CCSER1: variants seen among roughly 807,000 people sequenced by gnomAD.
CCSER1 encodes the protein coiled-coil serine rich protein 1.
Under a neutral mutation model 82.0 loss-of-function variants are expected in CCSER1, and 41 were observed. That is an observed-to-expected ratio of 0.50 (90% CI 0.39 to 0.65). The LOEUF (loss-of-function observed/expected upper bound fraction) is 0.65, where lower values mean the gene tolerates loss of function less well. CCSER1 is among the 30% of genes least tolerant of loss of function. The pLI, the probability that CCSER1 is intolerant of heterozygous loss-of-function variation, is 0.00. For synonymous variants in CCSER1, 414 were observed against 383.9 expected (o/e 1.08, Z -0.92); for missense variants, 1,119 against 1,064.2 (o/e 1.05, Z -0.72).
At chr4:90,900,798 T>A (rs751943188) in intron 8 of CCSER1, among the ~76,000 whole-genome samples, 10 of 151,940 alleles carry the variant, frequency 6.6e-5, no homozygotes, top group Non-Finnish European at 1.3e-4. Context: ...TTCTGTAGAT[T>A]TTTTTAGGTC....
At chr4:91,144,154 G>A (rs1249259425) in intron 10 of CCSER1, among the ~76,000 whole-genome samples, 2 of 151,904 alleles carry the variant, frequency 1.3e-5, no homozygotes, top group African/African-American at 4.8e-5. Context: ...TTATTGGTCT[G>A]TTCAGGGTTT....
At chr4:90,312,085 C>A (rs1735382629) in intron 2 of CCSER1, among the ~76,000 whole-genome samples, 1 of 152,042 alleles carries the variant, frequency 6.6e-6, no homozygotes, top group Admixed American at 6.6e-5. Context: ...GGATGATACC[C>A]AAGGTAACAT....
At chr4:90,530,259 A>G (rs564062688) in intron 5 of CCSER1, among the ~76,000 whole-genome samples, 2 of 152,252 alleles carry the variant, frequency 1.3e-5, no homozygotes, top group South Asian at 4.1e-4. Context: ...TTTTTCTGTT[A>G]TTCTACTTAA....
chr4:91,492,970 G>A (rs1319892072), intron 10 of CCSER1, among the ~76,000 whole-genome samples: 1 of 151,978 alleles, frequency 6.6e-6, no homozygotes, highest in Non-Finnish European at 1.5e-5. Context: ...TTTACATAGT[G>A]TAGATTATTT....
At chr4:90,945,100 C>T (rs530634492) in intron 9 of CCSER1, among the ~76,000 whole-genome samples, 2 of 152,132 alleles carry the variant, frequency 1.3e-5, no homozygotes, top group East Asian at 3.9e-4. Context: ...CTTTATGTTT[C>T]CCTTCATTTT....
intron 4 of CCSER1, among the ~76,000 whole-genome samples, chr4:90,440,687 C>T (rs182952256): frequency 1.2e-4 from 18 of 152,218 alleles, no homozygotes; most frequent in African/African-American, 4.1e-4. Flanking sequence ...CCTATTTGTG[C>T]ATGAGAACTC....
intron 10 of CCSER1, among the ~76,000 whole-genome samples, chr4:91,159,933 A>G (rs1310174031): frequency 6.6e-6 from 1 of 151,992 alleles, no homozygotes; most frequent in Non-Finnish European, 1.5e-5. Flanking sequence ...GTTCTAGGGT[A>G]CAAGTGCACA....
rs1488054786 is a variant in CCSER1 at position 90,156,628 on chromosome 4, T to C, written c.-42+28797T>C. Among the ~76,000 whole-genome samples the C allele has an allele frequency of 6.6e-5, 10 of 152,358 alleles. 1 individual carries two copies. In the South Asian group the frequency reaches 2.1e-3, roughly 32 times the overall value. On this transcript the variant is annotated intron_variant, in intron 1 of 10. Transcript: ENST00000509176. ...AATTGATCCCTTTACCATTATGTAATGGCCTTCTTTATCTCTTTTGATCTT... is the reference window on the plus strand; with the variant it reads ...AATTGATCCCTTTACCATTATGTAACGGCCTTCTTTATCTCTTTTGATCTT...
At chr4:91,008,163 G>C (rs1400644397) in intron 9 of CCSER1, among the ~76,000 whole-genome samples, 1 of 152,046 alleles carries the variant, frequency 6.6e-6, no homozygotes, top group East Asian at 1.9e-4. Flanking sequence ...GTCTATTCTG[G>C]ATAATGTTCC....
At chr4:91,463,316 C>A (rs1756628109) in intron 10 of CCSER1, among the ~76,000 whole-genome samples, 4 of 152,160 alleles carry the variant, frequency 2.6e-5, no homozygotes, top group South Asian at 2.1e-4. Flanking sequence ...AGAAGGAAAA[C>A]TAACAAACAG....
At chr4:90,818,318 C>T (rs1759299590) in intron 8 of CCSER1, among the ~76,000 whole-genome samples, 1 of 149,702 alleles carries the variant, frequency 6.7e-6, no homozygotes, top group African/African-American at 2.5e-5. Flanking sequence ...GCTCTGTCAC[C>T]AGGCTGGAGT....
intron 7 of CCSER1, among the ~76,000 whole-genome samples, chr4:90,805,997 A>G (rs6532246): frequency 6.6e-6 from 1 of 151,982 alleles, no homozygotes; most frequent in Non-Finnish European, 1.5e-5. Flanking sequence ...TGAGAGTAAG[A>G]GTTGTTTAAA....
At chr4:90,766,866 C>G (rs770919448) in intron 7 of CCSER1, among the ~76,000 whole-genome samples, 16 of 151,610 alleles carry the variant, frequency 1.1e-4, no homozygotes, top group Admixed American at 6.6e-5. Context: ...ATCTAAGAAC[C>G]CTTAATATTT....
At chr4:90,143,684 CTTTTTT>C (rs70963057) in intron 1 of CCSER1, among the ~76,000 whole-genome samples, 1 of 138,608 alleles carries the variant, frequency 7.2e-6, no homozygotes, top group Admixed American at 7.3e-5. Flanking sequence ...TCCATTCCTA[CTTTTTT>C]TTTTTTTTTT....
At chr4:91,226,088 T>C (rs988854908) in intron 10 of CCSER1, among the ~76,000 whole-genome samples, 17 of 151,986 alleles carry the variant, frequency 1.1e-4, no homozygotes, top group Admixed American at 1.1e-3. Context: ...AAGTGCGATG[T>C]TGGTGTGCTG....
chr4:91,017,649 G>A (rs1056841253), intron 9 of CCSER1, among the ~76,000 whole-genome samples: 1 of 151,994 alleles, frequency 6.6e-6, no homozygotes, highest in African/African-American at 2.4e-5. Flanking sequence ...TATGAGAAGG[G>A]GAAAAAGTAA....
chr4:90,935,871 A>G (rs1278106183), intron 9 of CCSER1, among the ~76,000 whole-genome samples: 2 of 152,180 alleles, frequency 1.3e-5, no homozygotes, highest in East Asian at 3.8e-4. Context: ...TAGTTAAAAA[A>G]AATAAGTGCA....
intron 7 of CCSER1, among the ~76,000 whole-genome samples, chr4:90,799,205 G>A (rs1176294413): frequency 6.6e-6 from 1 of 152,160 alleles, no homozygotes; most frequent in African/African-American, 2.4e-5. Context: ...GTCCCGGAAG[G>A]TGGAGTGGTC....
chr4:90,253,246 AAAT>A (rs1242008915), intron 1 of CCSER1, among the ~76,000 whole-genome samples: 1 of 152,130 alleles, frequency 6.6e-6, no homozygotes, highest in Non-Finnish European at 1.5e-5. Flanking sequence ...GAATGGAAAG[AAAT>A]GTGCAATTGT....
Sources: allele counts gnomAD v4.1 joint callset (sites outside exome capture counted in the v4.1 genomes callset), GRCh38; gene constraint gnomAD v4.1.1; transcripts MANE v1.5; gene names NCBI Gene and HGNC (gene_info 2026-07-23, HGNC 2026-07-21).